The following SLAMF1 variants were observed in gnomAD, a reference collection of about 807,000 sequenced individuals.
SLAMF1 encodes signaling lymphocytic activation molecule family member 1.
SLAMF1 carries 18 observed loss-of-function variants against 35.1 expected under a neutral mutation model. That is an observed-to-expected ratio of 0.51 (90% CI 0.35 to 0.76). SLAMF1 has a LOEUF of 0.76. Ranked by LOEUF, SLAMF1 falls within the 30% of genes least tolerant of loss-of-function variation. The pLI, the probability that SLAMF1 is intolerant of heterozygous loss-of-function variation, is 0.01. For synonymous variants in SLAMF1, 168 were observed against 157.2 expected, an observed-to-expected ratio of 1.07 and a Z score of -0.51; for missense variants, 392 against 413.0, an observed-to-expected ratio of 0.95 and a Z score of 0.44.
intron 3 of SLAMF1, 62 bp downstream of exon 3, chr1:160,634,551 C>T (rs2102335919): frequency 1.3e-6 from 2 of 1,487,514 alleles, no homozygotes; most frequent in East Asian, 2.3e-5. Context: ...AGCAATTGGA[C>T]CATGTGAAGA....
chr1:160,637,458 C>T lies in SLAMF1; in HGVS notation c.148G>A (p.Glu50Lys), dbSNP rs1460622941. ...GSKVLLPLTYERINKSMNKSI... is the reference protein window; with the variant it reads ...GSKVLLPLTYKRINKSMNKSI... ...TTGTTCATGCTCTTATTTATCCTTT[C>T]ATATGTCAGGGGCAGCAGCACTTTG... The change falls in exon 2 of 7, where the codon GAA (glutamate) becomes AAA (lysine). Residue 50 changes from glutamate (E) to lysine (K), a missense_variant. Physicochemically the swap from Glu to Lys is moderately conservative, Grantham distance 56. Transcript: ENST00000302035. 3.1e-6 allele frequency: 5 copies of T among 1,613,960 alleles called. No individual in the cohort carries two copies. In the South Asian group the frequency reaches 3.3e-5, roughly 11 times the overall value.
Position 160,642,427 on chromosome 1 carries a change from A to G in SLAMF1, c.76+4443T>C, listed in dbSNP as rs954150835. On this transcript the variant is annotated intron_variant, in intron 1 of 6. Coordinates refer to ENST00000302035, the MANE Select transcript of SLAMF1 (RefSeq NM_003037.5). This position sits in a 1 kb window ranked among gnomAD's most constrained non-coding sequence, Gnocchi z 4.2. ...TCCTGTCACAGACTTCCAATGGACA[A>G]TGAACGCACTCCTTCATATCATTCA... 6.6e-6 allele frequency among the ~76,000 whole-genome samples: 1 copy of G among 152,306 alleles called. No homozygotes were observed. Among genetic ancestry groups the G allele is most frequent in the Non-Finnish European group, 1.5e-5 (1 of 68,024 alleles).
intron 1 of SLAMF1, among the ~76,000 whole-genome samples, chr1:160,646,667 G>A (rs752653535): frequency 2.0e-5 from 3 of 152,192 alleles, no homozygotes; most frequent in Non-Finnish European, 2.9e-5. Context: ...GGGGTTGGTG[G>A]GGCTGAGTCT....
chr1:160,632,529 T>C (rs1660215919), intron 3 of SLAMF1, among the ~76,000 whole-genome samples: 1 of 152,208 alleles, frequency 6.6e-6, no homozygotes, highest in South Asian at 2.1e-4. Flanking sequence ...TAGAACGTCC[T>C]GAGCTGAGTG....
intron 6 of SLAMF1, among the ~76,000 whole-genome samples, chr1:160,611,094 G>A (rs1658958278): frequency 6.6e-6 from 1 of 152,170 alleles, no homozygotes; most frequent in African/African-American, 2.4e-5. Flanking sequence ...CCATCCCCTT[G>A]TAAGGAAAAC....
chr1:160,641,476 T>TA (rs1193284237), intron 1 of SLAMF1, among the ~76,000 whole-genome samples: 2 of 149,426 alleles, frequency 1.3e-5, no homozygotes, highest in Non-Finnish European at 1.5e-5. Flanking sequence ...AATAAAAAAA[T>TA]AAAAAAATAA....
At position 160,642,216 on chromosome 1, in the gene SLAMF1, G is replaced by T. The variant is rs745854263; in HGVS notation, c.76+4654C>A. ...TTAAACTGTATCCCCATCAGTCAAA[G>T]TCCTATTTTTATTATTTGGCACTGC... On this transcript the variant is annotated intron_variant, in intron 1 of 6. Coordinates refer to ENST00000302035, the MANE Select transcript of SLAMF1 (RefSeq NM_003037.5). This position sits in a 1 kb window ranked among gnomAD's most constrained non-coding sequence, Gnocchi z 4.2. 1.5e-4 allele frequency among the ~76,000 whole-genome samples: 23 copies of T among 152,162 alleles called. No homozygotes were observed. The highest frequency in any genetic ancestry group is 2.4e-4 in the Non-Finnish European group (16 of 68,028).
intron 5 of SLAMF1, 66 bp downstream of exon 5, chr1:160,619,710 G>T: frequency 9.7e-7 from 1 of 1,031,312 alleles, no homozygotes; most frequent in Non-Finnish European, 1.5e-6. Flanking sequence ...CAACAGGCAA[G>T]GTAGACTGGC....
intron 6 of SLAMF1, among the ~76,000 whole-genome samples, chr1:160,611,514 G>A (rs1187241908): frequency 5.3e-5 from 8 of 152,262 alleles, no homozygotes; most frequent in African/African-American, 1.9e-4. Context: ...GTGTGTGTGC[G>A]GTAGGAGCTT....
chr1:160,620,775 T>C (rs1405179162), intron 4 of SLAMF1, among the ~76,000 whole-genome samples: 3 of 152,234 alleles, frequency 2.0e-5, no homozygotes, highest in Admixed American at 6.5e-5. Context: ...TCTGAGATGA[T>C]GGAAATGTTC....
rs1405683531 is a variant in SLAMF1 at position 160,608,458 on chromosome 1, GA to G, written c.*2289del. The G allele has an allele frequency of 6.6e-6, 1 of 152,268 alleles. No homozygotes were observed. The highest frequency in any genetic ancestry group is 2.4e-5 in the African/African-American group (1 of 41,462). The allele number at this position is 152,268 out of a possible 1,614,324, so 9.4% of individuals were successfully genotyped here. On this transcript the variant is annotated 3_prime_UTR_variant, in exon 7 of 7. Coordinates refer to ENST00000302035, the MANE Select transcript of SLAMF1 (RefSeq NM_003037.5). The stretch of plus-strand genomic sequence containing the variant: ...CCGCTCCCCATAGTGCCATTTGGGG[GA>G]AACTAGAGAGTTGTGAATGTATCAC...
At chr1:160,628,035 T>C (rs1202620993) in intron 3 of SLAMF1, among the ~76,000 whole-genome samples, 1 of 152,156 alleles carries the variant, frequency 6.6e-6, no homozygotes, top group African/African-American at 2.4e-5. Flanking sequence ...ATGATTTTGC[T>C]CCTCATTCGC....
chr1:160,643,595 T>C (rs1382984908), intron 1 of SLAMF1, among the ~76,000 whole-genome samples: 1 of 152,208 alleles, frequency 6.6e-6, no homozygotes, highest in Non-Finnish European at 1.5e-5. Flanking sequence ...TTCCCCACCC[T>C]CTTTATCTCT....
At chr1:160,613,115 T>C (rs745945475) in intron 5 of SLAMF1, among the ~76,000 whole-genome samples, 4 of 152,228 alleles carry the variant, frequency 2.6e-5, no homozygotes, top group Non-Finnish European at 5.9e-5. Flanking sequence ...GTTTTCCTAA[T>C]GTGTACAAGC....
intron 2 of SLAMF1, among the ~76,000 whole-genome samples, chr1:160,635,154 C>T (rs1660371074): frequency 6.6e-6 from 1 of 152,192 alleles, no homozygotes; most frequent in African/African-American, 2.4e-5. Context: ...GGGCTCCACT[C>T]GCCCTTCCTG....
chr1:160,622,786 C>A (rs1659688614), intron 4 of SLAMF1, among the ~76,000 whole-genome samples: 1 of 152,214 alleles, frequency 6.6e-6, no homozygotes, highest in South Asian at 2.1e-4. Flanking sequence ...CCTATACCCA[C>A]ATTCTTTATC....
intron 4 of SLAMF1, 55 bp from the exon 5 acceptor site, chr1:160,619,904 T>A: frequency 8.3e-7 from 1 of 1,200,646 alleles, no homozygotes; most frequent in South Asian, 1.2e-5. Context: ...CAGGAGCTCC[T>A]TACTCAGACC....
chr1:160,623,664 A>C (rs1570981409), intron 4 of SLAMF1: 3 of 400,388 alleles, frequency 7.5e-6, no homozygotes, highest in Non-Finnish European at 4.4e-6. Flanking sequence ...ACCTCTAGGC[A>C]CTTCAACTGC....
intron 3 of SLAMF1, among the ~76,000 whole-genome samples, chr1:160,630,114 C>T (rs1660089844): frequency 6.6e-6 from 1 of 152,150 alleles, no homozygotes; most frequent in South Asian, 2.1e-4. Flanking sequence ...TTCTAGATTC[C>T]TTCATTCTAG....
Sources: gnomAD v4.1 joint callset for allele counts (sites outside exome capture counted in the v4.1 genomes callset) on GRCh38, gnomAD v4.1.1 for gene constraint, Gnocchi (gnomAD v3.1) non-coding constraint, MANE v1.5 for transcripts, NCBI Gene and HGNC (gene_info 2026-07-23, HGNC 2026-07-21) for gene names.